The following ODF2 variants were observed in gnomAD, a reference collection of about 807,000 sequenced individuals.
ODF2 encodes the protein outer dense fiber protein 2.
A neutral mutation model predicts 110.2 loss-of-function variants in ODF2; 47 were observed. The ratio of observed to expected loss-of-function variants is 0.43; its 90% CI spans 0.34 to 0.54. The LOEUF (loss-of-function observed/expected upper bound fraction) is 0.54. Ranked by LOEUF, ODF2 falls within the 20% of genes least tolerant of loss-of-function variation. The pLI, the probability that ODF2 is intolerant of heterozygous loss-of-function variation, is 0.03. For synonymous variants in ODF2, 352 were observed against 397.7 expected, an observed-to-expected ratio of 0.89 and a Z score of 1.37; for missense variants, 812 against 1,054.5, an observed-to-expected ratio of 0.77 and a Z score of 3.19.
exon 18 of ODF2, chr9:128,496,092 T>A: frequency 6.2e-7 from 1 of 1,613,904 alleles, no homozygotes; most frequent in Non-Finnish European, 8.5e-7. Flanking sequence ...ACATCAGGCT[T>A]CCCAGAAGGA....
chr9:128,480,760 T>C (rs1371362926), intron 8 of ODF2, among the ~76,000 whole-genome samples: 1 of 152,100 alleles, frequency 6.6e-6, no homozygotes, highest in Non-Finnish European at 1.5e-5. Context: ...GAGGTTGCAG[T>C]GAGCCGAGAT....
chr9:128,472,957 C>T, exon 7 of ODF2: 1 of 1,614,122 alleles, frequency 6.2e-7, no homozygotes, highest in Non-Finnish European at 8.5e-7. Flanking sequence ...TGCCTCATGT[C>T]CAAGCTGGTG....
rs1174861792 is a variant in ODF2 at position 128,460,973 on chromosome 9, CTG to C, written c.158_159del (p.Val53GlufsTer54). 4 of 1,614,196 alleles carry C rather than the reference CTG, an allele frequency of 2.5e-6. No homozygotes were observed. The highest frequency in any genetic ancestry group is 3.4e-6 in the Non-Finnish European group (4 of 1,180,042). On this transcript the variant is annotated frameshift_variant, in exon 4 of 21. Transcript: ENST00000604420. LOFTEE classifies it high-confidence loss of function. ...CACAAGCGAGGAATGAAAGGGGACA[CTG>C]TGAATGTGCGGCGGAGTGTCCGGGT... is the stretch of plus-strand genomic sequence containing the variant.
At chr9:128,484,597 T>G (rs909672366) in intron 11 of ODF2, 104 bp from the exon 12 acceptor site, 45 of 1,250,746 alleles carry the variant, frequency 3.6e-5, no homozygotes, top group Non-Finnish European at 4.8e-5. Context: ...CGTTTCCTCT[T>G]TGCTCTTGCC....
chr9:128,491,735 T>A (rs909735567), intron 14 of ODF2, among the ~76,000 whole-genome samples: 1 of 152,152 alleles, frequency 6.6e-6, no homozygotes, highest in Non-Finnish European at 1.5e-5. Flanking sequence ...AAAACTATGT[T>A]ACATAGCAGT....
chr9:128,457,945 T>TATATATA (rs67619179), intron 2 of ODF2, among the ~76,000 whole-genome samples: 2 of 58,054 alleles, frequency 3.4e-5, no homozygotes, highest in Non-Finnish European at 7.1e-5. Flanking sequence ...ATATATATAT[T>TATATATA]TTTTTTTTTT....
chr9:128,479,131 G>A (rs1459853646), intron 8 of ODF2, among the ~76,000 whole-genome samples: 1 of 152,196 alleles, frequency 6.6e-6, no homozygotes, highest in East Asian at 1.9e-4. Flanking sequence ...CTTGTTGCCA[G>A]AGAAACCATA....
chr9:128,493,899 AT>A (rs1845121394), intron 16 of ODF2, among the ~76,000 whole-genome samples: 2 of 152,104 alleles, frequency 1.3e-5, no homozygotes, highest in African/African-American at 4.8e-5. Flanking sequence ...GGTTCAAGTG[AT>A]TCTCCTGCCT....
chr9:128,477,999 A>AT (rs1381137650), intron 8 of ODF2, among the ~76,000 whole-genome samples: 1 of 151,444 alleles, frequency 6.6e-6, no homozygotes, highest in Non-Finnish European at 1.5e-5. Flanking sequence ...GGGAAGCTTT[A>AT]TTAATTTTTT....
At chr9:128,461,411 A>ATTTTCTTTTC in intron 4 of ODF2, 1 of 216,620 alleles carries the variant, frequency 4.6e-6, no homozygotes, top group Non-Finnish European at 9.3e-6. Flanking sequence ...CATCACATGT[A>ATTTTCTTTTC]TTTTCTTTTC....
chr9:128,465,309 G>A (rs986486504), intron 4 of ODF2, among the ~76,000 whole-genome samples: 1 of 152,064 alleles, frequency 6.6e-6, no homozygotes, highest in Non-Finnish European at 1.5e-5. Context: ...CCCTGGAGGT[G>A]GAAGTTTGAG....
At chr9:128,469,406 A>G (rs1839141146) in intron 5 of ODF2, 53 bp downstream of exon 5, 5 of 1,578,596 alleles carry the variant, frequency 3.2e-6, no homozygotes, top group Non-Finnish European at 4.3e-6. Context: ...GTGCAGGAGC[A>G]CCCAGGTGGA....
chr9:128,487,774 G>C, intron 13 of ODF2, 116 bp from the exon 14 acceptor site: 1 of 1,268,476 alleles, frequency 7.9e-7, no homozygotes, highest in Non-Finnish European at 1.1e-6. Context: ...GTGACAGAGC[G>C]AGACTCCGTC....
rs1389221628 is a variant in ODF2 at position 128,482,138 on chromosome 9, C to G, written c.915+487C>G. ...TTAAATTTGGGAAACCATAGGCTGG[C>G]CTGAACATGAAGTTCAACAGCTTCT... On this transcript the variant is annotated intron_variant, in intron 9 of 20. Coordinates refer to ENST00000604420, the Ensembl canonical transcript of ODF2. Among the ~76,000 whole-genome samples the G allele has an allele frequency of 2.0e-5, 3 of 152,186 alleles. No individual in the cohort carries two copies. In the East Asian group the frequency reaches 5.8e-4, roughly 29 times the overall value.
chr9:128,490,032 A>G (rs186184494), intron 14 of ODF2, among the ~76,000 whole-genome samples: 1 of 152,320 alleles, frequency 6.6e-6, no homozygotes, highest in African/African-American at 2.4e-5. Context: ...TAAGTTAAAA[A>G]TAACATGCAC....
chr9:128,500,153 C>G lies in ODF2; in HGVS notation c.2388C>G (p.Tyr796Ter). Residue 796 changes from tyrosine to a stop codon, truncating the protein, a stop_gained, in exon 21 of 21, where the codon TAC (tyrosine) becomes TAG (stop). Transcript: ENST00000604420. LOFTEE classifies it high-confidence loss of function. ...GCACCAACCGCAGCATGCAGAACTACGTCCAGTTCCTCAAATCATCATACG... is the reference window on the plus strand; with the variant it reads ...GCACCAACCGCAGCATGCAGAACTAGGTCCAGTTCCTCAAATCATCATACG... 3.1e-6 allele frequency: 5 copies of G among 1,614,252 alleles called. No homozygotes were observed. Among genetic ancestry groups the G allele is most frequent in the Non-Finnish European group, 4.2e-6 (5 of 1,180,046 alleles).
intron 8 of ODF2, among the ~76,000 whole-genome samples, chr9:128,480,782 A>G (rs1285645935): frequency 1.3e-5 from 2 of 152,164 alleles, no homozygotes; most frequent in Admixed American, 6.6e-5. Context: ...GTGCCATCGC[A>G]CTCCAGCCTG....
chr9:128,496,370 T>C, intron 18 of ODF2: 1 of 1,380,664 alleles, frequency 7.2e-7, no homozygotes, highest in South Asian at 1.3e-5. Context: ...GATCAGGATC[T>C]GCCCACCTGT....
At chr9:128,480,373 C>A (rs1342149714) in intron 8 of ODF2, among the ~76,000 whole-genome samples, 1 of 152,224 alleles carries the variant, frequency 6.6e-6, no homozygotes, top group Non-Finnish European at 1.5e-5. Context: ...ACATCCATCA[C>A]GTCACATGGT....
Sources: gnomAD v4.1 joint callset for allele counts (sites outside exome capture counted in the v4.1 genomes callset) on GRCh38, gnomAD v4.1.1 for gene constraint, MANE v1.5 for transcripts, NCBI Gene and HGNC (gene_info 2026-07-23, HGNC 2026-07-21) for gene names.